Variants in CSGALNACT1 observed in about 807,000 individuals in gnomAD.
CSGALNACT1 encodes beta4GalNAcT-1.
CSGALNACT1 carries 52 observed loss-of-function variants against 51.0 expected under a neutral mutation model. The observed-to-expected ratio is 1.02, with a 90% CI of 0.82 to 1.29. The LOEUF (loss-of-function observed/expected upper bound fraction) is 1.29. Among genes scored for constraint, CSGALNACT1 ranks in the 50% most tolerant of loss-of-function variants. The pLI is 0.00. For missense variants in CSGALNACT1, 935 were observed against 679.2 expected (o/e 1.38, Z -4.19); for synonymous variants, 341 against 254.4 (o/e 1.34, Z -3.24).
In CSGALNACT1 at chr8:19,505,568, C is replaced by T. The variant is rs140108024; in HGVS notation, c.267G>A (p.Arg89=). The T allele has an allele frequency of 1.9e-5, 30 of 1,613,846 alleles. No individual in the cohort carries two copies. The highest frequency in any genetic ancestry group is 1.6e-4 in the Middle Eastern group (1 of 6,084). ...ACTGCCCATTCCTGAGCTGCTCACT[C>T]CTCTCCTGCAGCTCCTCCTTGAGCT... The change falls in exon 4 of 10, where the codon AGG becomes AGA. Residue 89 remains arginine, a synonymous_variant. Coordinates refer to ENST00000454498, the Ensembl canonical transcript of CSGALNACT1.
intron 1 of CSGALNACT1, among the ~76,000 whole-genome samples, chr8:19,633,100 G>T (rs945359536): frequency 6.6e-6 from 1 of 151,924 alleles, no homozygotes; most frequent in Admixed American, 6.6e-5. Flanking sequence ...AAGGGAGTTT[G>T]GGGGCTGGTA....
exon 4 of CSGALNACT1, chr8:19,505,825 C>A: frequency 6.2e-7 from 1 of 1,611,530 alleles, no homozygotes; most frequent in Non-Finnish European, 8.5e-7. Flanking sequence ...CCCCGGCGAA[C>A]CATCATCATT....
intron 3 of CSGALNACT1, among the ~76,000 whole-genome samples, chr8:19,525,202 G>C (rs187098106): frequency 7.2e-5 from 11 of 152,236 alleles, no homozygotes; most frequent in African/African-American, 2.6e-4. Flanking sequence ...AAAAACTAAT[G>C]TCAATTTTCT....
intron 4 of CSGALNACT1, among the ~76,000 whole-genome samples, chr8:19,462,599 T>A (rs2065792735): frequency 6.6e-6 from 1 of 152,140 alleles, no homozygotes; most frequent in South Asian, 2.1e-4. Context: ...CCAGCCATGG[T>A]CAGTGGTTCC....
At chr8:19,624,167 C>A (rs569919330) in intron 1 of CSGALNACT1, among the ~76,000 whole-genome samples, 1 of 152,142 alleles carries the variant, frequency 6.6e-6, no homozygotes, top group Non-Finnish European at 1.5e-5. Flanking sequence ...CAGTGTAGCC[C>A]CTCTGAGATT....
At chr8:19,728,995 T>C (rs2063549452) in intron 1 of CSGALNACT1, among the ~76,000 whole-genome samples, 2 of 152,166 alleles carry the variant, frequency 1.3e-5, no homozygotes, top group Admixed American at 1.3e-4. Context: ...AGGTTCCTAC[T>C]GTTTTTTAAG....
rs372263482 is a variant in CSGALNACT1, at chr8:19,725,166, A to T, written c.-297+32684T>A. Among the ~76,000 whole-genome samples, 6 of 152,330 alleles carry T rather than the reference A, an allele frequency of 3.9e-5. No individual in the cohort carries two copies. The East Asian group carries it at 1.2e-3, about 29-fold the overall frequency. On this transcript the variant is annotated intron_variant, in intron 1 of 1. Transcript: ENST00000517494. The stretch of plus-strand genomic sequence containing the variant: ...CGAGTCTCCCTCTGACACTATGGAT[A>T]ACTGTCCATTTTCAGGCAGGTGCGG...
At chr8:19,475,495 C>T (rs775524319) in intron 4 of CSGALNACT1, among the ~76,000 whole-genome samples, 1 of 152,088 alleles carries the variant, frequency 6.6e-6, no homozygotes, top group African/African-American at 2.4e-5. Context: ...AGGAAAGCCC[C>T]CGGAGAACAG....
chr8:19,616,727 G>A (rs993118533), intron 1 of CSGALNACT1, among the ~76,000 whole-genome samples: 1 of 152,046 alleles, frequency 6.6e-6, no homozygotes, highest in African/African-American at 2.4e-5. Flanking sequence ...TGATGTATCT[G>A]CTCCTGCCTC....
At chr8:19,447,407 T>G (rs372286516) in intron 5 of CSGALNACT1, among the ~76,000 whole-genome samples, 1 of 152,144 alleles carries the variant, frequency 6.6e-6, no homozygotes, top group Non-Finnish European at 1.5e-5. Context: ...ACCAGACAGA[T>G]AGAATGGGCA....
At chr8:19,723,986 C>A (rs1317757466) in intron 1 of CSGALNACT1, among the ~76,000 whole-genome samples, 1 of 152,112 alleles carries the variant, frequency 6.6e-6, no homozygotes, top group African/African-American at 2.4e-5. Flanking sequence ...GGCCTCAAAT[C>A]TCTCATTTCG....
intron 5 of CSGALNACT1, among the ~76,000 whole-genome samples, chr8:19,441,289 G>A (rs183414409): frequency 2.4e-4 from 36 of 152,274 alleles, no homozygotes; most frequent in African/African-American, 6.3e-4. Context: ...GATCAAAGCC[G>A]GAGGCATCAC....
At chr8:19,436,143 C>T (rs2060336591) in intron 6 of CSGALNACT1, among the ~76,000 whole-genome samples, 1 of 152,164 alleles carries the variant, frequency 6.6e-6, no homozygotes, top group South Asian at 2.1e-4. Flanking sequence ...ATATTGCATA[C>T]TGGTCACTAA....
intron 3 of CSGALNACT1, among the ~76,000 whole-genome samples, chr8:19,533,719 G>C (rs762521189): frequency 6.6e-6 from 1 of 152,062 alleles, no homozygotes; most frequent in Non-Finnish European, 1.5e-5. Context: ...GCAGAATAAC[G>C]CTTAGTTTCA....
At chr8:19,746,767 A>T (rs1563209878) in intron 1 of CSGALNACT1, among the ~76,000 whole-genome samples, 1 of 152,210 alleles carries the variant, frequency 6.6e-6, no homozygotes, top group Non-Finnish European at 1.5e-5. Flanking sequence ...CAAATGCATG[A>T]TTTTGCCATT....
chr8:19,462,770 A>G (rs1415475979), intron 4 of CSGALNACT1, among the ~76,000 whole-genome samples: 2 of 150,888 alleles, frequency 1.3e-5, no homozygotes, highest in Non-Finnish European at 3.0e-5. Flanking sequence ...TTTTCATTAT[A>G]TCCTATCAAT....
At chr8:19,661,529 C>A (rs965249167) in intron 1 of CSGALNACT1, among the ~76,000 whole-genome samples, 4 of 152,222 alleles carry the variant, frequency 2.6e-5, no homozygotes, top group African/African-American at 9.6e-5. Context: ...TGCTCCAGGA[C>A]CTTTCAAATG....
At chr8:19,756,367 TAGTATTTCACTTATG>T (rs1373409282) in intron 1 of CSGALNACT1, among the ~76,000 whole-genome samples, 1 of 152,222 alleles carries the variant, frequency 6.6e-6, no homozygotes, top group Non-Finnish European at 1.5e-5. Flanking sequence ...TGCTTTTTAT[TAGTATTTCACTTATG>T]AGTATTTCCC....
chr8:19,554,890 C>G (rs2089308622), intron 3 of CSGALNACT1, among the ~76,000 whole-genome samples: 1 of 152,022 alleles, frequency 6.6e-6, no homozygotes, highest in East Asian at 1.9e-4. Context: ...TGCATTGCAG[C>G]CTGGGTGACA....
Sources: allele counts gnomAD v4.1 joint callset (sites outside exome capture counted in the v4.1 genomes callset), GRCh38; gene constraint gnomAD v4.1.1; transcripts MANE v1.5; gene names NCBI Gene and HGNC (gene_info 2026-07-23, HGNC 2026-07-21).